OR8K3: variants seen among roughly 807,000 people sequenced by gnomAD.
OR8K3 encodes olfactory receptor family 8 subfamily K member 3 (gene/pseudogene), also known as olfactory receptor 8K3.
For missense variants in OR8K3, 448 were observed against 367.4 expected, an observed-to-expected ratio of 1.22 and a Z score of -1.79; for synonymous variants, 167 against 138.8, an observed-to-expected ratio of 1.20 and a Z score of -1.43.
At chr11:56,316,979 T>C (rs1025218410) in intron 2 of OR8K3, among the ~76,000 whole-genome samples, 11 of 151,942 alleles carry the variant, frequency 7.2e-5, no homozygotes, top group African/African-American at 2.7e-4. Flanking sequence ...TTGTGAAAAA[T>C]AGATAAGTAA....
In OR8K3 at chr11:56,319,883, A is replaced by G. The variant is rs554029839; in HGVS notation, c.*638A>G. On this transcript the variant is annotated 3_prime_UTR_variant, in exon 3 of 3. Transcript: ENST00000641662. ...AACCGAACATACTTTGTAGCTCAAT[A>G]ATCGGTAAATTCTGATTAGCACCTG... 1 of 152,394 alleles carries G rather than the reference A, an allele frequency of 6.6e-6. No individual in the cohort carries two copies. Among genetic ancestry groups the G allele is most frequent in the South Asian group, 2.1e-4 (1 of 4,822 alleles). 9.4% of individuals were successfully genotyped at this position (152,394 alleles called of 1,614,324 possible). A position where few individuals can be genotyped will look rare whatever the true frequency, so the allele number is the denominator to read the frequency against.
At chr11:56,318,176 T>C (rs1258466166) in intron 2 of OR8K3, 108 bp from the exon 3 acceptor site, 3 of 574,538 alleles carry the variant, frequency 5.2e-6, no homozygotes, top group South Asian at 5.3e-5. Context: ...TGTTTTCAAA[T>C]GTCGCAAATT....
chr11:56,318,890 T>C lies in OR8K3; in HGVS notation c.584T>C (p.Ile195Thr). The change falls in exon 3 of 3, where the codon ATT becomes ACT. Residue 195 changes from isoleucine to threonine, a missense_variant. By Grantham distance (89) the Ile-to-Thr change is moderately conservative. Transcript: ENST00000641662. ...LPLLCSNTHE[I>T]ELIILIFAAI... ...TTGCTTTGTTCAAATACACATGAAA[T>C]TGAATTGATAATTCTGATCTTTGCA... 6.2e-7 allele frequency: 1 copy of C among 1,614,028 alleles called. No homozygotes were observed. The highest frequency in any genetic ancestry group is 8.5e-7 in the Non-Finnish European group (1 of 1,179,854).
rs749710771 is a variant in OR8K3 at position 56,318,716 on chromosome 11, C to T, written c.410C>T (p.Ser137Leu). The change falls in exon 3 of 3, where the codon TCA becomes TTA. Residue 137 changes from serine to leucine, a missense_variant. Physicochemically the swap from Ser to Leu is moderately radical, Grantham distance 145. Transcript: ENST00000641662. The stretch of plus-strand genomic sequence containing the variant: ...CCTCTGCTATACACAGTAATCATGT[C>T]ACGAAGGGTATGTCAGGTGCTGGTA... ...CNPLLYTVIM[S>L]RRVCQVLVAI... The T allele has an allele frequency of 9.9e-6, 16 of 1,613,910 alleles. No individual in the cohort carries two copies. The highest frequency in any genetic ancestry group is 1.4e-5 in the Non-Finnish European group (16 of 1,179,870).
At chr11:56,315,617 C>G (rs1311643046) in intron 1 of OR8K3, among the ~76,000 whole-genome samples, 1 of 152,042 alleles carries the variant, frequency 6.6e-6, no homozygotes, top group East Asian at 1.9e-4. Flanking sequence ...TCTAGGCTCT[C>G]AGACCCCTTA....
Position 56,318,568 on chromosome 11 carries a change from G to A in OR8K3, c.262G>A (p.Asp88Asn). ...GPKMLVNFVV[D>N]KNIISYYFCA... ...CAAAATGTTAGTAAATTTTGTTGTG[G>A]ATAAGAATATAATTTCTTATTATTT... Residue 88 changes from aspartate (D) to asparagine (N), a missense_variant, in exon 3 of 3, where the codon GAT (aspartate) becomes AAT (asparagine). Transcript: ENST00000641662. 1 of 1,613,020 alleles carries A rather than the reference G, an allele frequency of 6.2e-7. No individual in the cohort carries two copies. The highest frequency in any genetic ancestry group is 8.5e-7 in the Non-Finnish European group (1 of 1,179,312).
In OR8K3 at chr11:56,318,449, T is replaced by C; in HGVS notation, c.143T>C (p.Leu48Pro). Residue 48 changes from leucine (L) to proline (P), a missense_variant, in exon 3 of 3, where the codon CTC becomes CCC. Transcript: ENST00000641662. ...ATGGGCAATTTGGGCATGATTGTCC[T>C]CACCAAGTTGGACTCCAGGTTGCAA... ...SVMGNLGMIV[L>P]TKLDSRLQTP... 6.2e-7 allele frequency: 1 copy of C among 1,614,130 alleles called. No individual in the cohort carries two copies. The highest frequency in any genetic ancestry group is 8.5e-7 in the Non-Finnish European group (1 of 1,179,980).
In OR8K3 at chr11:56,318,431, A is replaced by G. The variant is rs759234051; in HGVS notation, c.125A>G (p.Asn42Ser). 4.3e-6 allele frequency: 7 copies of G among 1,613,932 alleles called. No homozygotes were observed. Among genetic ancestry groups the G allele is most frequent in the Non-Finnish European group, 4.2e-6 (5 of 1,179,978 alleles). ...LMIYVISVMG[N>S]LGMIVLTKLD... ...ATCTATGTGATCTCAGTGATGGGCA[A>G]TTTGGGCATGATTGTCCTCACCAAG... The change falls in exon 3 of 3, where the codon AAT (asparagine) becomes AGT (serine). Residue 42 changes from asparagine (N) to serine (S), a missense_variant. Physicochemically the swap from Asn to Ser is conservative, Grantham distance 46. Transcript: ENST00000641662.
rs773673803 is a variant in OR8K3 at position 56,318,706 on chromosome 11, G to A, written c.400G>A (p.Val134Ile). The change falls in exon 3 of 3, where the codon GTA becomes ATA. Residue 134 changes from valine to isoleucine, a missense_variant. Val to Ile is a conservative substitution (Grantham distance 29). Transcript: ENST00000641662. ...VAICNPLLYT[V>I]IMSRRVCQVL... Reference sequence around the variant, plus strand: ...CATCTGTAACCCTCTGCTATACACAGTAATCATGTCACGAAGGGTATGTCA... The same window carrying A: ...CATCTGTAACCCTCTGCTATACACAATAATCATGTCACGAAGGGTATGTCA... The A allele has an allele frequency of 1.2e-6, 2 of 1,613,932 alleles. No individual in the cohort carries two copies. The highest frequency in any genetic ancestry group is 1.3e-5 in the African/African-American group (1 of 75,028).
intron 2 of OR8K3, among the ~76,000 whole-genome samples, chr11:56,317,163 TA>T (rs567456717): frequency 6.6e-6 from 1 of 151,596 alleles, no homozygotes; most frequent in Admixed American, 6.6e-5. Flanking sequence ...TGTACACATG[TA>T]AAAAAAACCT....
rs1854489974 is a variant in OR8K3, at chr11:56,319,098, T to C, written c.792T>C (p.Ser264=). ...LLFMYVQPKS[S]HSFDTDKVAS... Reference sequence around the variant, plus strand: ...TCATGTACGTGCAGCCCAAGTCCAGTCATTCCTTTGACACTGATAAAGTGG... The same window carrying C: ...TCATGTACGTGCAGCCCAAGTCCAGCCATTCCTTTGACACTGATAAAGTGG... Residue 264 remains serine, a synonymous_variant, in exon 3 of 3, where the codon AGT becomes AGC. Coordinates refer to ENST00000641662, the MANE Select transcript of OR8K3 (RefSeq NM_001005202.2). The C allele has an allele frequency of 6.2e-7, 1 of 1,614,118 alleles. No individual in the cohort carries two copies. The highest frequency in any genetic ancestry group is 1.6e-4 in the Middle Eastern group (1 of 6,062).
At position 56,319,609 on chromosome 11, in the gene OR8K3, G is replaced by C. The variant is rs1854498082; in HGVS notation, c.*364G>C. 5.3e-6 allele frequency: 1 copy of C among 187,574 alleles called. No individual in the cohort carries two copies. Among genetic ancestry groups the C allele is most frequent in the African/African-American group, 2.4e-5 (1 of 42,460 alleles). The allele number at this position is 187,574 out of a possible 1,614,324, so 11.6% of individuals were successfully genotyped here. ...TTCCAGTGTTTTTTATCTGCTACTG[G>C]AATAAAATTTACAGTGTGTGTGCTT... On this transcript the variant is annotated 3_prime_UTR_variant, in exon 3 of 3. Coordinates refer to ENST00000641662, the MANE Select transcript of OR8K3 (RefSeq NM_001005202.2).
intron 2 of OR8K3, among the ~76,000 whole-genome samples, 179 bp from the exon 3 acceptor site, chr11:56,318,105 C>A (rs556671962): frequency 6.6e-6 from 1 of 152,164 alleles, no homozygotes; most frequent in African/African-American, 2.4e-5. Context: ...CAACTGAAAA[C>A]TGCTGATCTG....
Position 56,319,008 on chromosome 11 carries a change from A to G in OR8K3, c.702A>G (p.Gln234=). The change falls in exon 3 of 3, where the codon CAA becomes CAG. Residue 234 remains glutamine, a synonymous_variant. Coordinates refer to ENST00000641662, the MANE Select transcript of OR8K3 (RefSeq NM_001005202.2). The part of the protein sequence containing the change: ...AILRMNSAGR[Q]KAFSTCGAHL... ...TCAGGATGAATTCTGCTGGCAGACA[A>G]AAGGCTTTTTCTACCTGTGGAGCCC... The G allele has an allele frequency of 6.2e-7, 1 of 1,614,116 alleles. No homozygotes were observed. The highest frequency in any genetic ancestry group is 8.5e-7 in the Non-Finnish European group (1 of 1,180,010).
At chr11:56,318,024 C>T (rs528077062) in intron 2 of OR8K3, among the ~76,000 whole-genome samples, 12 of 152,156 alleles carry the variant, frequency 7.9e-5, no homozygotes, top group African/African-American at 2.4e-4. Context: ...AACAGTGGCC[C>T]ACCTCCAAAT....
chr11:56,319,327 T>C lies in OR8K3; in HGVS notation c.*82T>C, dbSNP rs1280413566. ...ATACTTCCAGAAGACATAACAAGCA[T>C]AACTGATTCAACATATATTTACATA... On this transcript the variant is annotated 3_prime_UTR_variant, in exon 3 of 3. Coordinates refer to ENST00000641662, the MANE Select transcript of OR8K3 (RefSeq NM_001005202.2). The C allele has an allele frequency of 8.6e-6, 6 of 700,142 alleles. No individual in the cohort carries two copies. The highest frequency in any genetic ancestry group is 1.5e-5 in the Non-Finnish European group (6 of 413,486). 43.4% of individuals were successfully genotyped at this position (700,142 alleles called of 1,614,324 possible). A position where few individuals can be genotyped will look rare whatever the true frequency, so the allele number is the denominator to read the frequency against.
At position 56,320,379 on chromosome 11, in the gene OR8K3, T is replaced by C. The variant is rs1854509260; in HGVS notation, c.*1134T>C. 6.6e-6 allele frequency: 1 copy of C among 152,246 alleles called. No homozygotes were observed. Among genetic ancestry groups the C allele is most frequent in the African/African-American group, 2.4e-5 (1 of 41,470 alleles). 9.4% of individuals were successfully genotyped at this position (152,246 alleles called of 1,614,324 possible). A position where few individuals can be genotyped will look rare whatever the true frequency, so the allele number is the denominator to read the frequency against. ...CCTTCACCATGCAAGTGAGGTCTGA[T>C]CTGTATGCAATGATATCGTTATCTT... On this transcript the variant is annotated 3_prime_UTR_variant, in exon 3 of 3. Transcript: ENST00000641662.
chr11:56,319,001 G>A lies in OR8K3; in HGVS notation c.695G>A (p.Gly232Asp). 2 of 1,614,026 alleles carry A rather than the reference G, an allele frequency of 1.2e-6. No homozygotes were observed. Among genetic ancestry groups the A allele is most frequent in the Non-Finnish European group, 1.7e-6 (2 of 1,179,990 alleles). Residue 232 changes from glycine to aspartate, a missense_variant, in exon 3 of 3, where the codon GGC (glycine) becomes GAC (aspartate). Gly to Asp is a moderately conservative substitution (Grantham distance 94). Transcript: ENST00000641662. Reference protein sequence around the residue: ...LVAILRMNSAGRQKAFSTCGA... With the variant: ...LVAILRMNSADRQKAFSTCGA... ...GCCATTCTCAGGATGAATTCTGCTG[G>A]CAGACAAAAGGCTTTTTCTACCTGT... is the stretch of plus-strand genomic sequence containing the variant.
rs139467696 is a variant in OR8K3 at position 56,319,079 on chromosome 11, A to G, written c.773A>G (p.Tyr258Cys). 1.2e-3 allele frequency: 1,990 copies of G among 1,614,078 alleles called. 39 individuals carry two copies. The South Asian group carries it at 0.021, about 17-fold the overall frequency. The stretch of plus-strand genomic sequence containing the variant: ...TTCTATGGGACTTTGCTTTTCATGT[A>G]CGTGCAGCCCAAGTCCAGTCATTCC... ...IVFYGTLLFM[Y>C]VQPKSSHSFD... The change falls in exon 3 of 3, where the codon TAC becomes TGC. Residue 258 changes from tyrosine (Y) to cysteine (C), a missense_variant. Physicochemically the swap from Tyr to Cys is radical, Grantham distance 194. Transcript: ENST00000641662.
Sources: allele counts gnomAD v4.1 joint callset (sites outside exome capture counted in the v4.1 genomes callset), GRCh38; gene constraint gnomAD v4.1.1; transcripts MANE v1.5; gene names NCBI Gene and HGNC (gene_info 2026-07-23, HGNC 2026-07-21).